THSD7B: variants seen among roughly 807,000 people sequenced by gnomAD.
THSD7B encodes the protein thrombospondin type 1 domain containing 7B, also known as thrombospondin type-1 domain-containing protein 7B.
In THSD7B, 138 loss-of-function variants were observed where a neutral mutation model predicts 213.6. That is an observed-to-expected ratio of 0.65 (90% CI 0.56 to 0.74). The LOEUF (loss-of-function observed/expected upper bound fraction) is 0.74. Among genes scored for constraint, THSD7B ranks in the 30% least tolerant of loss-of-function variants. The pLI, the probability that THSD7B is intolerant of heterozygous loss-of-function variation, is 0.00. For missense variants in THSD7B, 1,931 were observed against 1,991.5 expected, an observed-to-expected ratio of 0.97 and a Z score of 0.58; for synonymous variants, 742 against 687.0, an observed-to-expected ratio of 1.08 and a Z score of -1.25.
At chr2:137,492,128 G>T (rs566169958) in intron 15 of THSD7B, among the ~76,000 whole-genome samples, 77 of 152,036 alleles carry the variant, frequency 5.1e-4, no homozygotes, top group African/African-American at 1.8e-3. Context: ...CTCCTTTTCT[G>T]CTTCTTTAGG....
intron 12 of THSD7B, among the ~76,000 whole-genome samples, chr2:137,384,012 A>C (rs1019348485): frequency 3.9e-5 from 6 of 152,218 alleles, no homozygotes; most frequent in African/African-American, 7.2e-5. Flanking sequence ...AAAAAATCTC[A>C]TGGGACCTTC....
intron 10 of THSD7B, among the ~76,000 whole-genome samples, chr2:137,246,896 T>C (rs1324848323): frequency 1.3e-5 from 2 of 152,182 alleles, no homozygotes; most frequent in African/African-American, 4.8e-5. Context: ...GCCTTTAGTT[T>C]TTTCAATGGA....
intron 5 of THSD7B, among the ~76,000 whole-genome samples, chr2:137,153,899 A>T (rs1305890971): frequency 6.6e-6 from 1 of 152,110 alleles, no homozygotes; most frequent in African/African-American, 2.4e-5. Context: ...AATTTGAGCA[A>T]TTGCTGGTGA....
intron 15 of THSD7B, among the ~76,000 whole-genome samples, chr2:137,509,030 T>C (rs1679902452): frequency 6.6e-6 from 1 of 152,154 alleles, no homozygotes; most frequent in African/African-American, 2.4e-5. Flanking sequence ...AGGTTGACAC[T>C]AATTCCTGAA....
intron 2 of THSD7B, among the ~76,000 whole-genome samples, chr2:136,988,169 C>T (rs1237285433): frequency 1.3e-5 from 2 of 152,144 alleles, no homozygotes; most frequent in Non-Finnish European, 2.9e-5. Context: ...CCTTCAGCCC[C>T]AGGCAATCAC....
At chr2:137,141,890 A>G (rs1386060480) in intron 5 of THSD7B, among the ~76,000 whole-genome samples, 10 of 152,226 alleles carry the variant, frequency 6.6e-5, no homozygotes, top group African/African-American at 1.9e-4. Flanking sequence ...CTTGTCTCCT[A>G]AACATTCATG....
chr2:136,924,530 G>A (rs992024016), intron 2 of THSD7B, among the ~76,000 whole-genome samples: 3 of 151,994 alleles, frequency 2.0e-5, no homozygotes, highest in African/African-American at 4.8e-5. Flanking sequence ...GTTCCACTGG[G>A]GGATATATAT....
chr2:137,200,165 T>C (rs1680846099), intron 7 of THSD7B, among the ~76,000 whole-genome samples: 1 of 152,204 alleles, frequency 6.6e-6, no homozygotes, highest in African/African-American at 2.4e-5. Flanking sequence ...TCTTTCTCTC[T>C]GAAGGCTATA....
At chr2:136,940,962 C>T (rs1199844634) in intron 2 of THSD7B, among the ~76,000 whole-genome samples, 2 of 151,086 alleles carry the variant, frequency 1.3e-5, no homozygotes, top group African/African-American at 4.9e-5. Context: ...CCTACTAACT[C>T]ATCACTTACA....
chr2:136,890,517 TTTCTTCTTC>T (rs1173405632), intron 2 of THSD7B, among the ~76,000 whole-genome samples: 1 of 59,026 alleles, frequency 1.7e-5, no homozygotes, highest in African/African-American at 7.3e-5. Context: ...CTTCTTCTTC[TTTCTTCTTC>T]TTCTTCTTCT....
chr2:137,420,350 A>T (rs1686897996), intron 14 of THSD7B, among the ~76,000 whole-genome samples: 1 of 152,062 alleles, frequency 6.6e-6, no homozygotes, highest in Admixed American at 6.6e-5. Flanking sequence ...TTTGCAACTT[A>T]ATTCTCTAGT....
intron 27 of THSD7B, among the ~76,000 whole-genome samples, chr2:137,673,881 A>G (rs1436913248): frequency 6.6e-6 from 1 of 152,192 alleles, no homozygotes; most frequent in Non-Finnish European, 1.5e-5. Flanking sequence ...GGGAGGTTGC[A>G]CAATATGAAA....
chr2:136,795,732 C>T (rs940786336), intron 1 of THSD7B, among the ~76,000 whole-genome samples: 15 of 151,896 alleles, frequency 9.9e-5, no homozygotes, highest in Non-Finnish European at 2.1e-4. Flanking sequence ...ACTCTCACTC[C>T]AACCCCTCTC....
At chr2:137,190,178 T>C (rs892895545) in intron 7 of THSD7B, among the ~76,000 whole-genome samples, 1 of 152,218 alleles carries the variant, frequency 6.6e-6, no homozygotes, top group Non-Finnish European at 1.5e-5. Flanking sequence ...GCTTATTGTC[T>C]CCTATTTCTC....
intron 1 of THSD7B, among the ~76,000 whole-genome samples, chr2:136,797,103 A>G (rs1242538856): frequency 1.3e-5 from 2 of 151,864 alleles, no homozygotes; most frequent in African/African-American, 2.4e-5. Context: ...TTTTATAGAA[A>G]CCAAATTTTG....
At chr2:137,112,238 TAAAGA>T (rs1213599151) in intron 4 of THSD7B, among the ~76,000 whole-genome samples, 1 of 151,544 alleles carries the variant, frequency 6.6e-6, no homozygotes, top group Admixed American at 6.6e-5. Flanking sequence ...TTGAAAAAAA[TAAAGA>T]AAAAAGGTTG....
intron 15 of THSD7B, among the ~76,000 whole-genome samples, chr2:137,542,330 A>G (rs1369050024): frequency 6.6e-6 from 1 of 151,734 alleles, no homozygotes; most frequent in Non-Finnish European, 1.5e-5. Flanking sequence ...CAGTCAATCA[A>G]TACTTACATA....
intron 12 of THSD7B, among the ~76,000 whole-genome samples, chr2:137,401,923 C>G (rs891760354): frequency 5.9e-5 from 9 of 152,196 alleles, no homozygotes; most frequent in Admixed American, 2.0e-4. Context: ...GCTTACAAAT[C>G]TAGCACCAAA....
chr2:137,427,703 T>C lies in THSD7B; in HGVS notation c.2959+15831T>C, dbSNP rs118075727. On this transcript the variant is annotated intron_variant, in intron 14 of 27. Coordinates refer to ENST00000409968, the MANE Select transcript of THSD7B (RefSeq NM_001316349.2). ...GGGTTGGGTATTAGGGGAATGCTGA[T>C]CAAAGCGTACAAACTTGCAGTAATG... Among the ~76,000 whole-genome samples, 56 of 152,212 alleles carry C rather than the reference T, an allele frequency of 3.7e-4. No homozygotes were observed. In the East Asian group the frequency reaches 0.011, roughly 29 times the overall value.
Sources: gnomAD v4.1 joint callset for allele counts (sites outside exome capture counted in the v4.1 genomes callset) on GRCh38, gnomAD v4.1.1 for gene constraint, MANE v1.5 for transcripts, NCBI Gene and HGNC (gene_info 2026-07-23, HGNC 2026-07-21) for gene names.